Variants in OR1B1 observed in about 807,000 individuals in gnomAD.
OR1B1 encodes the protein olfactory receptor family 1 subfamily B member 1.
For synonymous variants in OR1B1, 168 were observed against 156.2 expected (o/e 1.08, Z -0.57); for missense variants, 414 against 402.1 (o/e 1.03, Z -0.25).
the OR1B1 span, among the ~76,000 whole-genome samples, chr9:122,634,758 T>A: frequency 6.6e-6 from 1 of 151,942 alleles, no homozygotes; most frequent in South Asian, 2.1e-4. Context: ...CAAATGGCCA[T>A]AGGTATATGA....
At chr9:122,656,207 A>C in the OR1B1 span, among the ~76,000 whole-genome samples, 1 of 152,188 alleles carries the variant, frequency 6.6e-6, no homozygotes, top group African/African-American at 2.4e-5. Context: ...ACGTGTCTTC[A>C]AAAAATTTAT....
chr9:122,640,516 A>G, the OR1B1 span, among the ~76,000 whole-genome samples: 6 of 152,352 alleles, frequency 3.9e-5, no homozygotes, highest in African/African-American at 9.6e-5. Context: ...ACAGAAGAAA[A>G]GTCAGAGGAA....
chr9:122,636,281 T>G, the OR1B1 span, among the ~76,000 whole-genome samples: 1 of 152,240 alleles, frequency 6.6e-6, no homozygotes, highest in Non-Finnish European at 1.5e-5. Flanking sequence ...TATACACATA[T>G]GAACCCATGT....
At chr9:122,632,503 A>G (rs1257213876), upstream of OR1B1, among the ~76,000 whole-genome samples, 2 of 152,258 alleles carry the variant, frequency 1.3e-5, no homozygotes, top group East Asian at 3.9e-4. Flanking sequence ...GATTTCTGAG[A>G]TTTTGGTGCA....
the OR1B1 span, among the ~76,000 whole-genome samples, chr9:122,656,041 T>A: frequency 6.6e-6 from 1 of 152,266 alleles, no homozygotes; most frequent in African/African-American, 2.4e-5. Flanking sequence ...AGTTTCCTTA[T>A]TTCCAAAATG....
the OR1B1 span, among the ~76,000 whole-genome samples, chr9:122,651,249 A>G: frequency 3.3e-5 from 5 of 152,216 alleles, no homozygotes; most frequent in Non-Finnish European, 7.3e-5. Context: ...CAATATGTAC[A>G]ATGTATAGTG....
the OR1B1 span, among the ~76,000 whole-genome samples, chr9:122,655,136 G>T: frequency 6.6e-6 from 1 of 152,050 alleles, no homozygotes; most frequent in Non-Finnish European, 1.5e-5. Context: ...CATTCACCCT[G>T]CTCCCCCAGG....
the OR1B1 span, among the ~76,000 whole-genome samples, chr9:122,636,339 G>C: frequency 6.6e-6 from 1 of 152,228 alleles, no homozygotes; most frequent in African/African-American, 2.4e-5. Context: ...TACTGGCCAG[G>C]AGCAGTGGCT....
At chr9:122,636,049 T>C in the OR1B1 span, among the ~76,000 whole-genome samples, 1 of 152,214 alleles carries the variant, frequency 6.6e-6, no homozygotes, top group African/African-American at 2.4e-5. Flanking sequence ...TTTCATGGAA[T>C]GTCCTCCCAT....
upstream of OR1B1, among the ~76,000 whole-genome samples, chr9:122,634,486 A>G (rs1830238369): frequency 2.0e-5 from 3 of 152,166 alleles, no homozygotes; most frequent in Admixed American, 2.0e-4. Context: ...ATCATGGTGG[A>G]GGGCAAAGGA....
chr9:122,652,460 C>T, the OR1B1 span, among the ~76,000 whole-genome samples: 1 of 152,194 alleles, frequency 6.6e-6, no homozygotes, highest in Non-Finnish European at 1.5e-5. Flanking sequence ...ATTTAAAACC[C>T]TCACTTTCAA....
At chr9:122,643,594 G>A in the OR1B1 span, among the ~76,000 whole-genome samples, 1 of 152,346 alleles carries the variant, frequency 6.6e-6, no homozygotes, top group East Asian at 1.9e-4. Flanking sequence ...CTTAAAGCCA[G>A]TGAACTAGGG....
chr9:122,634,348 A>AAG (rs1404846423), upstream of OR1B1, among the ~76,000 whole-genome samples: 1 of 151,476 alleles, frequency 6.6e-6, no homozygotes, highest in East Asian at 1.9e-4. Flanking sequence ...AAAAAAAAAA[A>AAG]AGAAAAGAAA....
the OR1B1 span, among the ~76,000 whole-genome samples, chr9:122,654,568 C>A: frequency 6.6e-6 from 1 of 152,222 alleles, no homozygotes; most frequent in Admixed American, 6.5e-5. Flanking sequence ...GAAGAAAGTA[C>A]CACTCCTTCT....
exon 1 of OR1B1, chr9:122,629,157 C>T (rs866013258): frequency 1.9e-6 from 3 of 1,613,962 alleles, no homozygotes; most frequent in African/African-American, 1.3e-5. Context: ...TCACAGATGG[C>T]CACATAGCGA....
At chr9:122,631,325 C>T (rs535343416), upstream of OR1B1, among the ~76,000 whole-genome samples, 14 of 151,936 alleles carry the variant, frequency 9.2e-5, no homozygotes, top group South Asian at 8.3e-4. Flanking sequence ...CACAGGCGCC[C>T]GCCACCATGC....
the OR1B1 span, among the ~76,000 whole-genome samples, chr9:122,644,251 G>A: frequency 6.6e-6 from 1 of 151,926 alleles, no homozygotes; most frequent in Non-Finnish European, 1.5e-5. Flanking sequence ...TGAGTCTCAG[G>A]CCTAGCAGCA....
the OR1B1 span, among the ~76,000 whole-genome samples, chr9:122,650,832 G>C: frequency 1.3e-5 from 2 of 152,104 alleles, no homozygotes; most frequent in East Asian, 3.9e-4. Flanking sequence ...GACCATCCTG[G>C]CTAACACGGT....
the OR1B1 span, among the ~76,000 whole-genome samples, chr9:122,646,610 A>G: frequency 6.6e-6 from 1 of 152,162 alleles, no homozygotes; most frequent in Non-Finnish European, 1.5e-5. Flanking sequence ...GAGACAAAGA[A>G]TGTCATTATA....
Sources: gnomAD v4.1 joint callset for allele counts (sites outside exome capture counted in the v4.1 genomes callset) on GRCh38, gnomAD v4.1.1 for gene constraint, MANE v1.5 for transcripts, NCBI Gene and HGNC (gene_info 2026-07-23, HGNC 2026-07-21) for gene names.